The following RBFOX1 variants were observed in gnomAD, a reference collection of about 807,000 sequenced individuals.
RBFOX1 encodes RNA binding fox-1 homolog 1.
A neutral mutation model predicts 57.7 loss-of-function variants in RBFOX1; 8 were observed. That is an observed-to-expected ratio of 0.14 (90% confidence interval 0.08 to 0.25). The LOEUF is 0.25. Among genes scored for constraint, RBFOX1 ranks in the 10% least tolerant of loss-of-function variants. The pLI is 1.00. For missense variants in RBFOX1, 611 were observed against 548.5 expected (o/e 1.11, Z -1.14); for synonymous variants, 326 against 222.4 (o/e 1.47, Z -4.15).
chr16:7,426,004 C>G (rs1387874814), intron 4 of RBFOX1, among the ~76,000 whole-genome samples: 1 of 152,194 alleles, frequency 6.6e-6, no homozygotes, highest in East Asian at 1.9e-4. Flanking sequence ...TTCATTTGTT[C>G]AAGGCGGCAT....
intron 2 of RBFOX1, among the ~76,000 whole-genome samples, chr16:6,545,643 G>A (rs183957896): frequency 1.6e-4 from 24 of 152,328 alleles, no homozygotes; most frequent in Middle Eastern, 6.8e-3. Flanking sequence ...ATTTATTGAT[G>A]TGGTGCTTGT....
intron 5 of RBFOX1, among the ~76,000 whole-genome samples, chr16:7,556,339 A>G (rs1054745341): frequency 1.3e-5 from 2 of 152,142 alleles, no homozygotes; most frequent in African/African-American, 4.8e-5. Context: ...CCTCCATTTC[A>G]TTAAACCACG....
chr16:6,893,121 C>G (rs1045150031), intron 3 of RBFOX1, among the ~76,000 whole-genome samples: 1 of 152,134 alleles, frequency 6.6e-6, no homozygotes, highest in Non-Finnish European at 1.5e-5. Context: ...CACAGGAGCT[C>G]ACTGTCTGCA....
chr16:5,821,490 A>T (rs961551972), intron 3 of RBFOX1, among the ~76,000 whole-genome samples: 1 of 151,996 alleles, frequency 6.6e-6, no homozygotes, highest in Admixed American at 6.6e-5. Flanking sequence ...TTTTGTAGAC[A>T]TGAGGTCTTG....
intron 1 of RBFOX1, among the ~76,000 whole-genome samples, chr16:5,340,955 T>C (rs535605519): frequency 6.6e-6 from 1 of 152,148 alleles, no homozygotes; most frequent in East Asian, 1.9e-4. Flanking sequence ...TTCGGGGAAG[T>C]CTTCCTCAAA....
chr16:6,915,351 G>C (rs1233299652), intron 3 of RBFOX1, among the ~76,000 whole-genome samples: 1 of 152,126 alleles, frequency 6.6e-6, no homozygotes, highest in Non-Finnish European at 1.5e-5. Context: ...GAGGAAGCTT[G>C]CTCTACAGAT....
intron 1 of RBFOX1, among the ~76,000 whole-genome samples, chr16:6,191,641 A>AT (rs1425460896): frequency 6.6e-6 from 1 of 152,078 alleles, no homozygotes; most frequent in East Asian, 1.9e-4. Context: ...GTAATCTGTA[A>AT]TTTTTTTGTT....
chr16:5,553,560 C>G (rs1249399821), intron 2 of RBFOX1, among the ~76,000 whole-genome samples: 2 of 151,800 alleles, frequency 1.3e-5, no homozygotes, highest in African/African-American at 2.4e-5. Context: ...CGTGATCTGC[C>G]CGTCTCAGCC....
chr16:6,610,064 A>T (rs2098020979), intron 2 of RBFOX1, among the ~76,000 whole-genome samples: 1 of 151,710 alleles, frequency 6.6e-6, no homozygotes, highest in African/African-American at 2.4e-5. Context: ...AACAATGATG[A>T]TGTGGGGGAA....
At chr16:5,415,396 G>A (rs1280314514) in intron 1 of RBFOX1, among the ~76,000 whole-genome samples, 5 of 152,148 alleles carry the variant, frequency 3.3e-5, no homozygotes, top group Admixed American at 1.3e-4. Flanking sequence ...ACTTCCCACC[G>A]ATTCCCTCCT....
At chr16:6,159,282 G>C (rs930983456) in intron 1 of RBFOX1, among the ~76,000 whole-genome samples, 1 of 152,026 alleles carries the variant, frequency 6.6e-6, no homozygotes, top group Non-Finnish European at 1.5e-5. Flanking sequence ...TCACCATGTT[G>C]GCCAAGTTGG....
intron 1 of RBFOX1, among the ~76,000 whole-genome samples, chr16:5,341,845 G>T (rs984866143): frequency 3.9e-5 from 6 of 152,286 alleles, no homozygotes; most frequent in African/African-American, 1.4e-4. Flanking sequence ...AGTTTGAGGG[G>T]CGAGTTAGGC....
At chr16:5,372,681 G>C (rs1297449486) in intron 1 of RBFOX1, among the ~76,000 whole-genome samples, 5 of 152,120 alleles carry the variant, frequency 3.3e-5, no homozygotes, top group Non-Finnish European at 7.4e-5. Flanking sequence ...GCTTTGCAAG[G>C]AGCTGTTTCT....
intron 3 of RBFOX1, among the ~76,000 whole-genome samples, chr16:6,697,084 T>G (rs923056774): frequency 6.6e-6 from 1 of 152,226 alleles, no homozygotes; most frequent in African/African-American, 2.4e-5. Flanking sequence ...CCCTTCAGAA[T>G]TTCTTCTGGG....
chr16:7,265,119 C>A (rs993254754), intron 4 of RBFOX1, among the ~76,000 whole-genome samples: 1 of 152,236 alleles, frequency 6.6e-6, no homozygotes, highest in African/African-American at 2.4e-5. Context: ...CTAATAAAGA[C>A]TAGACTCTGT....
intron 3 of RBFOX1, among the ~76,000 whole-genome samples, chr16:6,724,238 T>G (rs1192657415): frequency 2.7e-5 from 4 of 150,844 alleles, no homozygotes; most frequent in Non-Finnish European, 5.9e-5. Context: ...AGTTGGAGTT[T>G]CACTCTTGTC....
chr16:7,087,349 G>A (rs904771615), intron 4 of RBFOX1, among the ~76,000 whole-genome samples: 19 of 152,126 alleles, frequency 1.2e-4, no homozygotes, highest in Non-Finnish European at 2.5e-4. Flanking sequence ...CCGCCATCAG[G>A]AAATGGTGTA....
intron 4 of RBFOX1, among the ~76,000 whole-genome samples, chr16:7,093,314 C>A (rs2061168754): frequency 6.6e-6 from 1 of 152,144 alleles, no homozygotes; most frequent in South Asian, 2.1e-4. Context: ...ACTGAGCTTG[C>A]CTCTCTTGTC....
chr16:7,689,367 G>A (rs1378360755), intron 14 of RBFOX1, among the ~76,000 whole-genome samples: 1 of 152,120 alleles, frequency 6.6e-6, no homozygotes, highest in Non-Finnish European at 1.5e-5. Context: ...GAATGAACTT[G>A]CAGATTTTTC....
Sources: gnomAD v4.1 joint callset for allele counts (sites outside exome capture counted in the v4.1 genomes callset) on GRCh38, gnomAD v4.1.1 for gene constraint, MANE v1.5 for transcripts, NCBI Gene and HGNC (gene_info 2026-07-23, HGNC 2026-07-21) for gene names.